CHST15: variants seen among roughly 807,000 people sequenced by gnomAD.
CHST15 encodes the protein carbohydrate sulfotransferase 15.
CHST15 carries 30 observed loss-of-function variants against 53.6 expected under a neutral mutation model. The observed-to-expected ratio is 0.56, with a 90% CI of 0.42 to 0.76. The LOEUF (loss-of-function observed/expected upper bound fraction) is 0.76. CHST15 is among the 30% of genes least tolerant of loss of function. The pLI is 0.00. For missense variants in CHST15, 627 were observed against 740.5 expected (o/e 0.85, Z 1.78); for synonymous variants, 296 against 289.8 (o/e 1.02, Z -0.22).
At position 124,036,608 on chromosome 10, in the gene CHST15, CA is replaced by C. The variant is rs945755018; in HGVS notation, c.1190+1906del. 6.6e-6 allele frequency among the ~76,000 whole-genome samples: 1 copy of C among 151,908 alleles called. No individual in the cohort carries two copies. The highest frequency in any genetic ancestry group is 2.4e-5 in the African/African-American group (1 of 41,328). ...GACTTTAAAGCATGTTTCTGGGGGG[CA>C]ACAATGCAAAGTGAAAGAAGCAGGA... On this transcript the variant is annotated intron_variant, in intron 5 of 7. Coordinates refer to ENST00000435907, the MANE Select transcript of CHST15 (RefSeq NM_001270764.2). This position sits in a 1 kb window ranked among gnomAD's most constrained non-coding sequence, Gnocchi z 5.1.
chr10:124,058,231 G>C (rs1227090507), intron 1 of CHST15, among the ~76,000 whole-genome samples: 1 of 152,222 alleles, frequency 6.6e-6, no homozygotes, highest in African/African-American at 2.4e-5. Flanking sequence ...AATGGCTCTA[G>C]GGAACAAAGC....
At chr10:124,068,620 T>C (rs991098054) in intron 1 of CHST15, among the ~76,000 whole-genome samples, 1 of 152,238 alleles carries the variant, frequency 6.6e-6, no homozygotes, top group African/African-American at 2.4e-5. Flanking sequence ...TGCTGTCTGT[T>C]GCAATAACTA....
chr10:124,011,866 C>T, intron 7 of CHST15: 1 of 985,150 alleles, frequency 1.0e-6, no homozygotes, highest in Non-Finnish European at 1.2e-6. Context: ...TCCTCTAAGC[C>T]CCAAGTCCTC....
At chr10:124,084,872 C>A (rs1450228906) in intron 1 of CHST15, among the ~76,000 whole-genome samples, 1 of 152,192 alleles carries the variant, frequency 6.6e-6, no homozygotes, top group East Asian at 1.9e-4. Context: ...CCTGATGATA[C>A]CCACAAGATC....
chr10:124,011,270 G>T lies in CHST15; in HGVS notation c.1496-931C>A, dbSNP rs77641738. Among the ~76,000 whole-genome samples the T allele has an allele frequency of 4.3e-3, 654 of 152,366 alleles. 3 individuals are homozygous for T. The highest frequency in any genetic ancestry group is 0.013 in the African/African-American group (525 of 41,574). On this transcript the variant is annotated intron_variant, in intron 7 of 7. Transcript: ENST00000435907. The stretch of plus-strand genomic sequence containing the variant: ...CCATAGACAGAAAAAGCATGTCCCA[G>T]CATCCTAGGGCCATATGAAACACAG...
At chr10:124,071,743 CG>C (rs1948921230) in intron 1 of CHST15, among the ~76,000 whole-genome samples, 1 of 152,128 alleles carries the variant, frequency 6.6e-6, no homozygotes, top group African/African-American at 2.4e-5. Flanking sequence ...GACTTAGAGT[CG>C]GAAAAGGAGT....
chr10:124,035,264 C>CG (rs1406274528), intron 5 of CHST15, among the ~76,000 whole-genome samples: 23 of 126,450 alleles, frequency 1.8e-4, no homozygotes, highest in African/African-American at 3.0e-4. Context: ...ACCCTGGCTC[C>CG]ACCCCTAACA....
intron 1 of CHST15, among the ~76,000 whole-genome samples, chr10:124,050,762 C>T (rs571928499): frequency 3.3e-5 from 5 of 152,146 alleles, no homozygotes; most frequent in Non-Finnish European, 5.9e-5. Context: ...GCAAAGGCCC[C>T]GTAGAGAGAC....
rs781236912 is a variant in CHST15 at position 124,074,824 on chromosome 10, G to A, written c.-513+18645C>T. 2.0e-5 allele frequency among the ~76,000 whole-genome samples: 3 copies of A among 152,170 alleles called. No individual in the cohort carries two copies. Among genetic ancestry groups the A allele is most frequent in the Non-Finnish European group, 4.4e-5 (3 of 68,032 alleles). ...GACAGGACCTGGGCATGTCTCACTC[G>A]CCACTGCCTCCCAGCAGCCAGGGCT... On this transcript the variant is annotated intron_variant, in intron 1 of 7. Coordinates refer to ENST00000435907, the MANE Select transcript of CHST15 (RefSeq NM_001270764.2). The surrounding 1 kb of genome is among the most constrained non-coding windows in gnomAD (Gnocchi z 4.4).
intron 1 of CHST15, among the ~76,000 whole-genome samples, chr10:124,087,350 T>A (rs998844731): frequency 6.6e-6 from 1 of 152,146 alleles, no homozygotes; most frequent in African/African-American, 2.4e-5. Context: ...CACACCACTA[T>A]CTTTTTGACC....
intron 1 of CHST15, among the ~76,000 whole-genome samples, chr10:124,087,008 A>G (rs1949450261): frequency 6.6e-6 from 1 of 152,188 alleles, no homozygotes. Flanking sequence ...CGGGCGCCAA[A>G]TATTTGGCTG....
chr10:124,045,868 G>A lies in CHST15; in HGVS notation c.345C>T (p.Gly115=), dbSNP rs779130331. The change falls in exon 2 of 8, where the codon GGC becomes GGT. Residue 115 remains glycine, a synonymous_variant. Transcript: ENST00000435907. Reference sequence around the variant, plus strand: ...CCATCAAGCTGGGGTTGCTGGGGAAGCCTCCGTAATGGAAAGGTGATGAGA... The same window carrying A: ...CCATCAAGCTGGGGTTGCTGGGGAAACCTCCGTAATGGAAAGGTGATGAGA... ...LLISSPFHYG[G]FPSNPSLMDS... is the part of the protein sequence containing the mutation. 4.3e-6 allele frequency: 7 copies of A among 1,614,000 alleles called. No individual in the cohort carries two copies. The highest frequency in any genetic ancestry group is 1.3e-5 in the African/African-American group (1 of 74,942).
chr10:124,028,649 C>T (rs1461712387), intron 5 of CHST15, among the ~76,000 whole-genome samples: 1 of 152,214 alleles, frequency 6.6e-6, no homozygotes, highest in Non-Finnish European at 1.5e-5. Context: ...TCACTGAGAT[C>T]ACCCAGCTCA....
intron 5 of CHST15, among the ~76,000 whole-genome samples, chr10:124,022,627 G>A (rs1946829207): frequency 6.6e-6 from 1 of 151,758 alleles, no homozygotes; most frequent in Non-Finnish European, 1.5e-5. Context: ...TTGGTTAACT[G>A]ACCACCCTTC....
intron 1 of CHST15, among the ~76,000 whole-genome samples, chr10:124,077,791 C>A (rs1178879749): frequency 6.6e-6 from 1 of 152,204 alleles, no homozygotes; most frequent in African/African-American, 2.4e-5. Flanking sequence ...CTGAGCAGCT[C>A]GCACAGTCCT....
chr10:124,033,572 C>G (rs962924247), intron 5 of CHST15, among the ~76,000 whole-genome samples: 1 of 152,246 alleles, frequency 6.6e-6, no homozygotes, highest in Admixed American at 6.5e-5. Flanking sequence ...ATTTCACACT[C>G]ATGACTAGGT....
intron 5 of CHST15, among the ~76,000 whole-genome samples, chr10:124,021,858 C>T (rs1946802181): frequency 1.3e-5 from 2 of 152,224 alleles, no homozygotes; most frequent in African/African-American, 4.8e-5. Context: ...ATTACAATTC[C>T]GCATGAAATT....
chr10:124,044,586 G>A lies in CHST15; in HGVS notation c.880C>T (p.Arg294Cys), dbSNP rs559698999. 2 of 1,527,090 alleles carry A rather than the reference G, an allele frequency of 1.3e-6. No individual in the cohort carries two copies. The highest frequency in any genetic ancestry group is 2.4e-5 in the East Asian group (1 of 41,376). 94.6% of individuals were successfully genotyped at this position (1,527,090 alleles called of 1,614,324 possible). A position where few individuals can be genotyped will look rare whatever the true frequency, so the allele number is the denominator to read the frequency against. Residue 294 changes from arginine (R) to cysteine (C), a missense_variant, in exon 3 of 8, where the codon CGC (arginine) becomes TGC (cysteine). Arg to Cys is a radical substitution (Grantham distance 180). Transcript: ENST00000435907. ...CCTGGGACCCAGCACTCACCAAAGC[G>A]CTTCCGGGTCCACCAGTGTGGCTCC... ...IKEPHWWTRK[R>C]FGIVRLRDGL...
intron 5 of CHST15, among the ~76,000 whole-genome samples, chr10:124,021,956 C>T (rs140391830): frequency 2.7e-4 from 41 of 152,222 alleles, no homozygotes; most frequent in African/African-American, 9.1e-4. Flanking sequence ...GTTTTTAACA[C>T]GATGTAAAAG....
Sources: allele counts gnomAD v4.1 joint callset (sites outside exome capture counted in the v4.1 genomes callset), GRCh38; gene constraint gnomAD v4.1.1; non-coding constraint Gnocchi (gnomAD v3.1); transcripts MANE v1.5; gene names NCBI Gene and HGNC (gene_info 2026-07-23, HGNC 2026-07-21).